Variants in RDH10 observed in about 807,000 individuals in gnomAD.
RDH10 encodes the protein retinol dehydrogenase 10.
RDH10 carries 12 observed loss-of-function variants against 30.2 expected under a neutral mutation model. That is an observed-to-expected ratio of 0.40 (90% CI 0.25 to 0.64). The LOEUF (loss-of-function observed/expected upper bound fraction) is 0.64, where lower values mean the gene tolerates loss of function less well. RDH10 is among the 30% of genes least tolerant of loss of function. RDH10 has a pLI of 0.43. For missense variants in RDH10, 268 were observed against 445.2 expected (o/e 0.60, Z 3.58); for synonymous variants, 189 against 172.2 (o/e 1.10, Z -0.76).
intron 1 of RDH10, among the ~76,000 whole-genome samples, chr8:73,296,602 T>C (rs1436061590): frequency 6.6e-6 from 1 of 152,214 alleles, no homozygotes; most frequent in Non-Finnish European, 1.5e-5. Context: ...ATTGCATATT[T>C]ACCTGTAACT....
At chr8:73,315,413 TC>T (rs2130374995) in intron 2 of RDH10, 1 of 288,482 alleles carries the variant, frequency 3.5e-6, no homozygotes, top group Non-Finnish European at 7.2e-6. Flanking sequence ...CATACTACCC[TC>T]CTTATGGACA....
intron 2 of RDH10, among the ~76,000 whole-genome samples, chr8:73,305,780 A>G (rs1814455221): frequency 1.3e-5 from 2 of 152,162 alleles, no homozygotes; most frequent in Admixed American, 6.5e-5. Context: ...TTCCTGAGAG[A>G]AAGGGTCTTT....
At position 73,300,698 on chromosome 8, in the gene RDH10, C is replaced by T. The variant is rs561817072; in HGVS notation, c.525+3269C>T. 1.1e-4 allele frequency among the ~76,000 whole-genome samples: 17 copies of T among 152,320 alleles called. No homozygotes were observed. In the South Asian group the frequency reaches 3.3e-3, roughly 30 times the overall value. Reference sequence around the variant, plus strand: ...GACTTCCACTGAAAAGCTGTGGGCACTCCCAAACCAGTCCACATGCTATTC... The same window carrying T: ...GACTTCCACTGAAAAGCTGTGGGCATTCCCAAACCAGTCCACATGCTATTC... On this transcript the variant is annotated intron_variant, in intron 2 of 5. Transcript: ENST00000240285.
chr8:73,298,805 A>T (rs1473864848), intron 2 of RDH10, among the ~76,000 whole-genome samples: 5 of 151,958 alleles, frequency 3.3e-5, no homozygotes, highest in Admixed American at 3.3e-4. Context: ...GGCGTGAGCC[A>T]CCGCACCTGG....
At chr8:73,316,607 G>GT (rs1240082026) in intron 2 of RDH10, among the ~76,000 whole-genome samples, 2 of 152,202 alleles carry the variant, frequency 1.3e-5, no homozygotes, top group East Asian at 3.9e-4. Flanking sequence ...TTCACTTGCT[G>GT]TATTAGTCTG....
At chr8:73,320,224 T>A (rs1814741425) in intron 3 of RDH10, among the ~76,000 whole-genome samples, 1 of 152,212 alleles carries the variant, frequency 6.6e-6, no homozygotes, top group Non-Finnish European at 1.5e-5. Context: ...TCTTTCTCCT[T>A]TACTGAACAA....
intron 2 of RDH10, among the ~76,000 whole-genome samples, chr8:73,304,206 G>A (rs1814429545): frequency 6.6e-6 from 1 of 152,104 alleles, no homozygotes; most frequent in Non-Finnish European, 1.5e-5. Context: ...TCACAAAACT[G>A]AACAAACTCC....
intron 2 of RDH10, among the ~76,000 whole-genome samples, chr8:73,300,050 A>G (rs901315041): frequency 6.6e-6 from 1 of 152,210 alleles, no homozygotes; most frequent in Non-Finnish European, 1.5e-5. Context: ...GCTTAACCAC[A>G]CAATTTAAGG....
At chr8:73,318,925 G>C (rs1814719684) in intron 2 of RDH10, among the ~76,000 whole-genome samples, 171 bp from the exon 3 acceptor site, 2 of 152,164 alleles carry the variant, frequency 1.3e-5, no homozygotes, top group Admixed American at 1.3e-4. Context: ...CGATGATACA[G>C]TGCTAAGTTA....
intron 2 of RDH10, among the ~76,000 whole-genome samples, chr8:73,304,465 A>G (rs1814434841): frequency 6.6e-6 from 1 of 152,192 alleles, no homozygotes; most frequent in Non-Finnish European, 1.5e-5. Flanking sequence ...ACCTAGGGTC[A>G]TCTAAGCAGC....
intron 2 of RDH10, among the ~76,000 whole-genome samples, chr8:73,316,689 G>A (rs1198101196): frequency 2.6e-5 from 4 of 152,186 alleles, no homozygotes; most frequent in African/African-American, 9.7e-5. Context: ...TTGGCTCACG[G>A]TTCTGCAGGC....
At chr8:73,320,080 A>C (rs1002209168) in intron 3 of RDH10, among the ~76,000 whole-genome samples, 1 of 152,250 alleles carries the variant, frequency 6.6e-6, no homozygotes, top group Admixed American at 6.5e-5. Flanking sequence ...GTTAAGTTCT[A>C]GTTTAAGATT....
At chr8:73,303,736 A>G (rs73686925) in intron 2 of RDH10, among the ~76,000 whole-genome samples, 3,415 of 152,250 alleles carry the variant, frequency 0.022, 119 homozygotes, top group African/African-American at 0.078. Context: ...CTGAATACCT[A>G]TATACACCAA....
chr8:73,304,686 T>C (rs181417821), intron 2 of RDH10, among the ~76,000 whole-genome samples: 13 of 152,308 alleles, frequency 8.5e-5, no homozygotes, highest in Admixed American at 3.3e-4. Flanking sequence ...CACACACTTA[T>C]GCTTCACACA....
intron 3 of RDH10, among the ~76,000 whole-genome samples, chr8:73,320,708 G>C (rs560437425): frequency 2.6e-5 from 4 of 152,122 alleles, no homozygotes; most frequent in South Asian, 4.1e-4. Flanking sequence ...CTGACCTTAA[G>C]TGATCCAGCC....
chr8:73,307,458 A>G (rs1175657785), intron 2 of RDH10, among the ~76,000 whole-genome samples: 2 of 152,256 alleles, frequency 1.3e-5, no homozygotes, highest in African/African-American at 4.8e-5. Context: ...GTCTATAAAT[A>G]CATGCTTAAT....
At chr8:73,295,827 G>A (rs796861710) in intron 1 of RDH10, 6 of 1,249,860 alleles carry the variant, frequency 4.8e-6, no homozygotes, top group African/African-American at 3.1e-5. Flanking sequence ...GGGGGGAGGG[G>A]GCGGGTTTCC....
Position 73,304,367 on chromosome 8 carries a change from C to T in RDH10, c.525+6938C>T, listed in dbSNP as rs1586189187. ...GATTGATCGCCCCTTTCCTTTCCTA[C>T]TTCATCCTGTGTGCCTCCATCACCT... On this transcript the variant is annotated intron_variant, in intron 2 of 5. Transcript: ENST00000240285. 2.0e-5 allele frequency among the ~76,000 whole-genome samples: 3 copies of T among 152,292 alleles called. No homozygotes were observed. In the South Asian group the frequency reaches 6.2e-4, roughly 32 times the overall value.
chr8:73,325,223 G>C lies in RDH10; in HGVS notation c.*2187G>C, dbSNP rs1303581081. On this transcript the variant is annotated 3_prime_UTR_variant, in exon 6 of 6. Transcript: ENST00000240285. ...ATAACTTAAACCTATTTCTATTTTT[G>C]TTTGTTATTGCCCTTATAAGGGTGT... 6.6e-6 allele frequency: 1 copy of C among 152,092 alleles called. No individual in the cohort carries two copies. Among genetic ancestry groups the C allele is most frequent in the East Asian group, 1.9e-4 (1 of 5,196 alleles). The allele number at this position is 152,092 out of a possible 1,614,324, so 9.4% of individuals were successfully genotyped here.
Sources: allele counts gnomAD v4.1 joint callset (sites outside exome capture counted in the v4.1 genomes callset), GRCh38; gene constraint gnomAD v4.1.1; transcripts MANE v1.5; gene names NCBI Gene and HGNC (gene_info 2026-07-23, HGNC 2026-07-21).